The following NEXMIF variants were observed in gnomAD, a reference collection of about 807,000 sequenced individuals.
NEXMIF encodes the protein XLMR protein related to neurite extension.
Under a neutral mutation model 62.1 loss-of-function variants are expected in NEXMIF, and 8 were observed. The ratio of observed to expected loss-of-function variants is 0.13; its 90% CI spans 0.08 to 0.23. NEXMIF has a LOEUF of 0.23. Ranked by LOEUF, NEXMIF falls within the 10% of genes least tolerant of loss-of-function variation. NEXMIF has a pLI of 1.00. For missense variants in NEXMIF, 976 were observed against 1,113.3 expected (o/e 0.88, Z 1.75); for synonymous variants, 404 against 416.6 (o/e 0.97, Z 0.37).
intron 1 of NEXMIF, among the ~76,000 whole-genome samples, chrX:74,871,964 A>G (rs2080603014): frequency 9.0e-6 from 1 of 111,575 alleles, no homozygotes; most frequent in Non-Finnish European, 1.9e-5. Flanking sequence ...TTACAAAGAT[A>G]ATGTGATTAA....
chrX:74,902,515 A>G (rs2080752344), intron 1 of NEXMIF, among the ~76,000 whole-genome samples: 1 of 111,242 alleles, frequency 9.0e-6, no homozygotes, highest in South Asian at 3.8e-4. Context: ...GGGAGGGTAC[A>G]AAAAGACTGG....
At chrX:74,842,087 T>C (rs2080475853) in intron 1 of NEXMIF, among the ~76,000 whole-genome samples, 1 of 111,934 alleles carries the variant, frequency 8.9e-6, no homozygotes, top group Non-Finnish European at 1.9e-5. Context: ...GGTTGAATTC[T>C]ATTGTGAATC....
At chrX:74,881,367 C>T (rs1202770955) in intron 1 of NEXMIF, among the ~76,000 whole-genome samples, 2 of 89,712 alleles carry the variant, frequency 2.2e-5, no homozygotes, top group African/African-American at 8.5e-5. Context: ...TGGATAAATT[C>T]CAACACACAC....
intron 1 of NEXMIF, among the ~76,000 whole-genome samples, chrX:74,750,462 G>A (rs1477443478): frequency 8.9e-6 from 1 of 111,948 alleles, no homozygotes; most frequent in Admixed American, 9.5e-5. Context: ...TGTCACACTG[G>A]AAAGAAAGCA....
intron 1 of NEXMIF, among the ~76,000 whole-genome samples, chrX:74,772,324 T>TA (rs1269643673): frequency 8.9e-6 from 1 of 112,383 alleles, no homozygotes; most frequent in Non-Finnish European, 1.9e-5. Context: ...TCCTACTTTT[T>TA]ATCCCACCAT....
At chrX:74,877,470 TGGAGTTGCTCTTCTCGA>T (rs1026096636) in intron 1 of NEXMIF, among the ~76,000 whole-genome samples, 10 of 111,175 alleles carry the variant, frequency 9.0e-5, no homozygotes, top group Non-Finnish European at 1.7e-4. Flanking sequence ...TTATGTGTCT[TGGAGTTGCTCTTCTCGA>T]GGAGTATCTC....
At chrX:74,837,796 T>C (rs1485257472) in intron 1 of NEXMIF, among the ~76,000 whole-genome samples, 1 of 111,942 alleles carries the variant, frequency 8.9e-6, no homozygotes, top group Non-Finnish European at 1.9e-5. Flanking sequence ...AGGGGGACAA[T>C]TGTTATATGT....
chrX:74,822,751 G>A (rs754528657), intron 1 of NEXMIF, among the ~76,000 whole-genome samples: 2 of 112,116 alleles, frequency 1.8e-5, no homozygotes, highest in African/African-American at 6.5e-5. Flanking sequence ...TGGCATGGAT[G>A]TAGATAAATT....
chrX:74,849,438 G>A (rs1411194775), intron 1 of NEXMIF, among the ~76,000 whole-genome samples: 1 of 112,104 alleles, frequency 8.9e-6, no homozygotes, highest in African/African-American at 3.2e-5. Flanking sequence ...ACCCTCTTGG[G>A]TCCTGAGACT....
chrX:74,810,513 G>A lies in NEXMIF; in HGVS notation c.-47-64816C>T, dbSNP rs746691832. On this transcript the variant is annotated intron_variant, in intron 1 of 3. Coordinates refer to ENST00000055682, the MANE Select transcript of NEXMIF (RefSeq NM_001008537.3). ...CATTAAGAAACCTGGGTTCTAGGCC[G>A]GGTGAGGTGGCTCACGCTTGTAATC... 4.6e-5 allele frequency among the ~76,000 whole-genome samples: 5 copies of A among 109,819 alleles called. No homozygotes were observed. In the Admixed American group the frequency reaches 4.9e-4, roughly 11 times the overall value.
rs1161275818 is a variant in NEXMIF at position 74,733,407 on chromosome X, TTG to T, written c.*5996_*5997del. Reference sequence around the variant, plus strand: ...TAACTTTCTTAGAAATTCATTTTTGTTGTGTTTTATAATAGTATTGGTCTGTG... The same window carrying T: ...TAACTTTCTTAGAAATTCATTTTTGTTGTTTTATAATAGTATTGGTCTGTG... On this transcript the variant is annotated 3_prime_UTR_variant, in exon 4 of 4. Transcript: ENST00000055682. 1 of 112,185 alleles carries T rather than the reference TTG, an allele frequency of 8.9e-6. No homozygotes were observed. The highest frequency in any genetic ancestry group is 1.9e-5 in the Non-Finnish European group (1 of 53,257). The allele number at this position is 112,185 out of a possible 1,213,427, so 9.2% of individuals were successfully genotyped here. A position where few individuals can be genotyped will look rare whatever the true frequency, so the allele number is the denominator to read the frequency against.
At chrX:74,750,367 G>T (rs143716840) in intron 1 of NEXMIF, among the ~76,000 whole-genome samples, 1 of 111,765 alleles carries the variant, frequency 8.9e-6, no homozygotes, top group East Asian at 2.8e-4. Context: ...ATCGGTGCCA[G>T]GATCTTCTTG....
In NEXMIF at chrX:74,741,815, A is replaced by T; in HGVS notation, c.2742T>A (p.Ser914Arg). 8.3e-7 allele frequency: 1 copy of T among 1,211,605 alleles called. No homozygotes were observed. The highest frequency in any genetic ancestry group is 1.1e-6 in the Non-Finnish European group (1 of 895,453). The change falls in exon 3 of 4, where the codon AGT (serine) becomes AGA (arginine). Residue 914 changes from serine to arginine, a missense_variant. By Grantham distance (110) the Ser-to-Arg change is moderately radical. Around this residue, in one of 5 missense-constraint regions of NEXMIF, gnomAD observed 639 missense variants for 694.5 expected, o/e 0.92. Transcript: ENST00000055682. Reference protein sequence around the residue: ...VSREIAPTQSSEFGASQVVSM... With the variant: ...VSREIAPTQSREFGASQVVSM... ...AGACTACTTGGGAGGCTCCAAATTC[A>T]CTGGATTGGGTTGGGGCTATCTCCC...
intron 1 of NEXMIF, among the ~76,000 whole-genome samples, chrX:74,778,404 T>A (rs915273702): frequency 9.0e-6 from 1 of 111,192 alleles, no homozygotes; most frequent in South Asian, 3.8e-4. Flanking sequence ...ATGGATCTCA[T>A]CTCCCTTTCT....
rs2080098214 is a variant in NEXMIF at position 74,740,368 on chromosome X, C to A, written c.4189G>T (p.Gly1397Cys). The stretch of plus-strand genomic sequence containing the variant: ...GTTTTCCCATTGCTTTTGCTCACAC[C>A]CTTGATTGACCTGTGATTCTTAGTG... ...GATKNHRSIK[G>C]VSKSNGKTAI... Residue 1397 changes from glycine (G) to cysteine (C), a missense_variant, in exon 3 of 4, where the codon GGT (glycine) becomes TGT (cysteine). This residue lies in a region of NEXMIF where 137 missense variants were observed against 128.9 expected (regional missense o/e 1.06). Transcript: ENST00000055682. The A allele has an allele frequency of 1.7e-6, 2 of 1,211,750 alleles. No homozygotes were observed. Among genetic ancestry groups the A allele is most frequent in the Non-Finnish European group, 1.1e-6 (1 of 895,544 alleles).
intron 1 of NEXMIF, among the ~76,000 whole-genome samples, chrX:74,817,234 TTA>T (rs2080378854): frequency 8.9e-6 from 1 of 111,834 alleles, no homozygotes; most frequent in African/African-American, 3.3e-5. Flanking sequence ...CCATTGGTCT[TTA>T]GCTACTTCAA....
intron 1 of NEXMIF, among the ~76,000 whole-genome samples, chrX:74,797,218 G>A (rs1287206149): frequency 1.8e-5 from 2 of 111,926 alleles, no homozygotes; most frequent in Non-Finnish European, 3.8e-5. Context: ...GAAGACTAAG[G>A]ACACATGATG....
At chrX:74,841,555 C>T (rs1350142912) in intron 1 of NEXMIF, among the ~76,000 whole-genome samples, 1 of 111,745 alleles carries the variant, frequency 8.9e-6, no homozygotes. Flanking sequence ...TTGTCTTGTG[C>T]TGGTTTTCAA....
At chrX:74,828,427 GC>G (rs748514055) in intron 1 of NEXMIF, among the ~76,000 whole-genome samples, 17 of 111,734 alleles carry the variant, frequency 1.5e-4, no homozygotes, top group African/African-American at 5.5e-4. Flanking sequence ...AAATATTCAT[GC>G]TTATTATCAT....
Sources: allele counts gnomAD v4.1 joint callset (sites outside exome capture counted in the v4.1 genomes callset), GRCh38; gene constraint gnomAD v4.1.1; regional missense constraint gnomAD v4.1.1; transcripts MANE v1.5; gene names NCBI Gene and HGNC (gene_info 2026-07-23, HGNC 2026-07-21).